The following PCDH15 variants were observed in gnomAD, a reference collection of about 807,000 sequenced individuals.
PCDH15 encodes the protein protocadherin related 15.
PCDH15 carries 129 observed loss-of-function variants against 178.5 expected under a neutral mutation model. That is an observed-to-expected ratio of 0.72 (90% CI 0.63 to 0.84). The LOEUF (loss-of-function observed/expected upper bound fraction) is 0.84, where lower values mean the gene tolerates loss of function less well. PCDH15 is among the 40% of genes least tolerant of loss of function. The pLI is 0.00. For missense variants in PCDH15, 2,230 were observed against 2,099.9 expected (o/e 1.06, Z -1.21); for synonymous variants, 800 against 732.0 (o/e 1.09, Z -1.50).
At chr10:55,148,480 C>G (rs1330518664) in intron 2 of PCDH15, among the ~76,000 whole-genome samples, 1 of 151,832 alleles carries the variant, frequency 6.6e-6, no homozygotes, top group East Asian at 1.9e-4. Flanking sequence ...CATATTAACT[C>G]ATTTAAATTA....
chr10:54,677,379 A>T (rs1294592859), intron 1 of PCDH15, among the ~76,000 whole-genome samples: 2 of 152,142 alleles, frequency 1.3e-5, no homozygotes, highest in East Asian at 3.8e-4. Context: ...CAAACAAAAC[A>T]AATAAACAAA....
At chr10:54,888,596 A>G (rs1200885043) in intron 3 of PCDH15, among the ~76,000 whole-genome samples, 1 of 151,906 alleles carries the variant, frequency 6.6e-6, no homozygotes, top group African/African-American at 2.4e-5. Context: ...GCATAAGTTT[A>G]ATGATTTTAA....
intron 23 of PCDH15, 56 bp downstream of exon 23, chr10:53,959,676 C>A: frequency 7.3e-7 from 1 of 1,363,414 alleles, no homozygotes; most frequent in East Asian, 2.4e-5. Flanking sequence ...TGAGAGACTC[C>A]TTTCAAAAAT....
At chr10:53,931,232 T>C (rs1163792497) in intron 25 of PCDH15, among the ~76,000 whole-genome samples, 4 of 152,188 alleles carry the variant, frequency 2.6e-5, no homozygotes, top group Non-Finnish European at 4.4e-5. Context: ...TCTGTAATAA[T>C]GACTAAACCA....
intron 1 of PCDH15, among the ~76,000 whole-genome samples, chr10:55,208,786 T>C (rs1416738896): frequency 6.6e-6 from 1 of 152,020 alleles, no homozygotes; most frequent in East Asian, 1.9e-4. Flanking sequence ...CAAAATGAAT[T>C]GTTTAAAACC....
intron 25 of PCDH15, among the ~76,000 whole-genome samples, chr10:53,914,272 C>A (rs1209295237): frequency 6.6e-6 from 1 of 151,974 alleles, no homozygotes; most frequent in East Asian, 1.9e-4. Context: ...GGATATATAC[C>A]CAAAGGATGA....
intron 8 of PCDH15, among the ~76,000 whole-genome samples, chr10:54,291,814 T>C (rs2059429547): frequency 6.6e-6 from 1 of 152,288 alleles, no homozygotes; most frequent in South Asian, 2.1e-4. Context: ...GGATCTGAAA[T>C]TGAGGCAATA....
chr10:55,235,101 T>G (rs765676014), intron 1 of PCDH15, among the ~76,000 whole-genome samples: 12 of 151,584 alleles, frequency 7.9e-5, no homozygotes, highest in Admixed American at 4.6e-4. Flanking sequence ...AAATAAGGAG[T>G]TTGGCATTTT....
chr10:55,157,867 A>C (rs2132109142), intron 2 of PCDH15, among the ~76,000 whole-genome samples: 1 of 152,082 alleles, frequency 6.6e-6, no homozygotes, highest in African/African-American at 2.4e-5. Flanking sequence ...TGACGAGTAA[A>C]TGGGTGCAGC....
intron 7 of PCDH15, among the ~76,000 whole-genome samples, chr10:54,328,147 CT>C (rs1178169068): frequency 6.6e-6 from 1 of 151,948 alleles, no homozygotes; most frequent in Non-Finnish European, 1.5e-5. Flanking sequence ...TTCTACCTGC[CT>C]TTACCACCAT....
chr10:54,580,376 C>T (rs2090926246), intron 2 of PCDH15, among the ~76,000 whole-genome samples: 1 of 152,010 alleles, frequency 6.6e-6, no homozygotes, highest in Non-Finnish European at 1.5e-5. Flanking sequence ...GAAATTGATA[C>T]ATTCATGAAA....
chr10:54,105,259 T>C (rs2094891673), intron 15 of PCDH15, among the ~76,000 whole-genome samples: 2 of 139,730 alleles, frequency 1.4e-5, no homozygotes, highest in Middle Eastern at 3.7e-3. Flanking sequence ...TAGATATAGA[T>C]ATAGACATAT....
intron 2 of PCDH15, among the ~76,000 whole-genome samples, chr10:54,648,619 G>A (rs989457095): frequency 2.0e-5 from 3 of 152,074 alleles, no homozygotes; most frequent in African/African-American, 7.2e-5. Context: ...AATGTGTGTG[G>A]ATGAAGGTAT....
At chr10:55,209,084 T>G (rs542589731) in intron 1 of PCDH15, among the ~76,000 whole-genome samples, 7 of 152,010 alleles carry the variant, frequency 4.6e-5, no homozygotes, top group Admixed American at 2.6e-4. Context: ...AAACAAATCA[T>G]ATAAACAGGA....
chr10:54,674,402 A>G (rs2094740607), intron 1 of PCDH15, among the ~76,000 whole-genome samples: 1 of 152,162 alleles, frequency 6.6e-6, no homozygotes, highest in Admixed American at 6.5e-5. Context: ...AATTTATACT[A>G]TGAAAATCAT....
At chr10:55,326,124 C>A (rs140393764) in intron 2 of PCDH15, among the ~76,000 whole-genome samples, 3 of 152,174 alleles carry the variant, frequency 2.0e-5, no homozygotes, top group African/African-American at 7.2e-5. Flanking sequence ...AAAGAGAACA[C>A]CTTGCTGGTG....
chr10:54,615,491 T>A (rs2093108929), intron 2 of PCDH15, among the ~76,000 whole-genome samples: 1 of 152,054 alleles, frequency 6.6e-6, no homozygotes, highest in Non-Finnish European at 1.5e-5. Context: ...AATTTTGCAA[T>A]CTCTAGTACT....
intron 3 of PCDH15, among the ~76,000 whole-genome samples, chr10:54,848,255 C>T (rs139366603): frequency 0.012 from 1,825 of 151,838 alleles, 25 homozygotes; most frequent in African/African-American, 0.036. Flanking sequence ...TGGTGGCAGA[C>T]GCCTGTAATC....
At chr10:55,548,101 T>C (rs563350211) in intron 2 of PCDH15, among the ~76,000 whole-genome samples, 3 of 151,730 alleles carry the variant, frequency 2.0e-5, no homozygotes, top group South Asian at 4.2e-4. Context: ...GACTGGGAGA[T>C]ATGAATTATT....
Sources: allele counts gnomAD v4.1 joint callset (sites outside exome capture counted in the v4.1 genomes callset), GRCh38; gene constraint gnomAD v4.1.1; transcripts MANE v1.5; gene names NCBI Gene and HGNC (gene_info 2026-07-23, HGNC 2026-07-21).